Variants in KMT2C observed in about 807,000 individuals in gnomAD.
KMT2C encodes the protein histone-lysine N-methyltransferase 2C.
A neutral mutation model predicts 507.9 loss-of-function variants in KMT2C; 88 were observed. The ratio of observed to expected loss-of-function variants is 0.17; its 90% CI spans 0.15 to 0.21. The LOEUF (loss-of-function observed/expected upper bound fraction) is 0.21. Ranked by LOEUF, KMT2C falls within the 10% of genes least tolerant of loss-of-function variation. The pLI is 1.00. For missense variants in KMT2C, 4,954 were observed against 5,957.8 expected, an observed-to-expected ratio of 0.83 and a Z score of 5.55; for synonymous variants, 2,049 against 2,080.8, an observed-to-expected ratio of 0.98 and a Z score of 0.42.
chr7:152,207,484 C>T (rs2094339692), intron 23 of KMT2C, 56 bp from the exon 24 acceptor site: 4 of 1,476,734 alleles, frequency 2.7e-6, no homozygotes, highest in African/African-American at 1.4e-5. Flanking sequence ...ATATATAATC[C>T]CTACATAATG....
At chr7:152,319,704 C>T (rs1050602946) in intron 3 of KMT2C, among the ~76,000 whole-genome samples, 1 of 152,172 alleles carries the variant, frequency 6.6e-6, no homozygotes, top group Non-Finnish European at 1.5e-5. Flanking sequence ...GGTCACGCTC[C>T]TAGTCCGCCT....
At chr7:152,339,790 G>A (rs891996246) in intron 2 of KMT2C, among the ~76,000 whole-genome samples, 2 of 152,022 alleles carry the variant, frequency 1.3e-5, no homozygotes, top group Non-Finnish European at 2.9e-5. Context: ...AATGATGTTC[G>A]ATAGTTGCTT....
chr7:152,231,822 A>G (rs1309906582), intron 16 of KMT2C, among the ~76,000 whole-genome samples: 1 of 151,960 alleles, frequency 6.6e-6, no homozygotes, highest in Non-Finnish European at 1.5e-5. Flanking sequence ...GGTTAACTAA[A>G]CAGAAGGACT....
chr7:152,398,500 T>C (rs944575675), intron 1 of KMT2C, among the ~76,000 whole-genome samples: 1 of 152,138 alleles, frequency 6.6e-6, no homozygotes, highest in Non-Finnish European at 1.5e-5. Flanking sequence ...GATACAGTAA[T>C]TGTCTCTGAA....
intron 6 of KMT2C, among the ~76,000 whole-genome samples, chr7:152,297,004 AG>A (rs2096507455): frequency 1.5e-5 from 1 of 66,116 alleles, no homozygotes; most frequent in African/African-American, 8.8e-5. Flanking sequence ...AGAAAAAGAA[AG>A]AAAGAAAGAA....
intron 26 of KMT2C, among the ~76,000 whole-genome samples, chr7:152,202,005 T>A (rs917544364): frequency 6.6e-6 from 1 of 152,200 alleles, no homozygotes; most frequent in Admixed American, 6.5e-5. Context: ...ATTGAGGAAG[T>A]TGTATGCTAG....
At chr7:152,327,521 A>T (rs2096839972) in intron 3 of KMT2C, among the ~76,000 whole-genome samples, 1 of 152,224 alleles carries the variant, frequency 6.6e-6, no homozygotes, top group Non-Finnish European at 1.5e-5. Flanking sequence ...TGCATTCTGT[A>T]CCTCTCAATA....
chr7:152,363,092 A>G (rs923429947), intron 1 of KMT2C, among the ~76,000 whole-genome samples: 3 of 152,232 alleles, frequency 2.0e-5, no homozygotes, highest in Non-Finnish European at 4.4e-5. Flanking sequence ...TCAAAACCCT[A>G]TCAGTTGCCA....
rs2091859297 is a variant in KMT2C, at chr7:152,154,030, G to C, written c.12256C>G (p.Leu4086Val). Residue 4086 changes from leucine (L) to valine (V), a missense_variant, in exon 48 of 59, where the codon CTG becomes GTG. Transcript: ENST00000262189. ...RSGLISVAIT[L>V]HPTAAENISS... Reference sequence around the variant, plus strand: ...TTTACCTCAGCAGCTGTAGGATGCAGAGTAATTGCTACAGATATAAGACCT... The same window carrying C: ...TTTACCTCAGCAGCTGTAGGATGCACAGTAATTGCTACAGATATAAGACCT... 2 of 1,614,064 alleles carry C rather than the reference G, an allele frequency of 1.2e-6. No homozygotes were observed. The highest frequency in any genetic ancestry group is 1.7e-6 in the Non-Finnish European group (2 of 1,179,964).
intron 26 of KMT2C, among the ~76,000 whole-genome samples, chr7:152,202,220 T>C (rs2094165356): frequency 2.0e-5 from 3 of 152,144 alleles, no homozygotes; most frequent in Admixed American, 6.5e-5. Context: ...TTTTAACACA[T>C]GAAGAAATAG....
rs1589237891 is a variant in KMT2C at position 152,330,821 on chromosome 7, G to A, written c.251-82C>T. On this transcript the variant is annotated intron_variant, in intron 2 of 58. Transcript: ENST00000262189. ...CTGGTGAATGTATCTATAAAGCATAGGTCATAATGTAAAAAGAAACAACAA... is the reference window on the plus strand; with the variant it reads ...CTGGTGAATGTATCTATAAAGCATAAGTCATAATGTAAAAAGAAACAACAA... 8 of 1,263,922 alleles carry A rather than the reference G, an allele frequency of 6.3e-6. No homozygotes were observed. The African/African-American group carries it at 7.4e-5, about 12-fold the overall frequency. The allele number at this position is 1,263,922 out of a possible 1,614,324, so 78.3% of individuals were successfully genotyped here.
intron 2 of KMT2C, among the ~76,000 whole-genome samples, chr7:152,336,919 G>A (rs189844965): frequency 1.5e-3 from 233 of 152,222 alleles, no homozygotes; most frequent in Non-Finnish European, 2.9e-3. Flanking sequence ...CAGGCAAGGC[G>A]ATTTCATCTG....
Position 152,154,109 on chromosome 7 carries a change from T to C in KMT2C, c.12177A>G (p.Pro4059=). Residue 4059 remains proline, a synonymous_variant, in exon 48 of 59, where the codon CCA becomes CCG. Transcript: ENST00000262189. ...AAGGTGACGCAAAATATAAAGTGCC[T>C]GGCTCAGTTTTGATGTCATTCCTTC... ...ESRRNDIKTE[P]GTLYFASPFG... The C allele has an allele frequency of 6.2e-7, 1 of 1,614,180 alleles. No homozygotes were observed. The highest frequency in any genetic ancestry group is 2.2e-5 in the East Asian group (1 of 44,888).
chr7:152,297,304 A>C (rs540286277), intron 6 of KMT2C, among the ~76,000 whole-genome samples: 9 of 152,322 alleles, frequency 5.9e-5, no homozygotes, highest in African/African-American at 1.9e-4. Context: ...GAGAAAGTTA[A>C]GAGCCAGGAG....
intron 1 of KMT2C, among the ~76,000 whole-genome samples, chr7:152,411,120 TAATA>T (rs1367533082): frequency 6.6e-6 from 1 of 152,254 alleles, no homozygotes; most frequent in African/African-American, 2.4e-5. Flanking sequence ...GTTAAATACA[TAATA>T]AATACAATAG....
Position 152,204,251 on chromosome 7 carries a change from C to T in KMT2C, c.3961+855G>A, listed in dbSNP as rs190444087. On this transcript the variant is annotated intron_variant, in intron 25 of 58. Transcript: ENST00000262189. Reference sequence around the variant, plus strand: ...AGGTGAAGGTTGCAGTGAGCTGAGACGGCACCACAGCACTCCAGCCTGGGT... The same window carrying T: ...AGGTGAAGGTTGCAGTGAGCTGAGATGGCACCACAGCACTCCAGCCTGGGT... Among the ~76,000 whole-genome samples the T allele has an allele frequency of 2.0e-3, 299 of 152,102 alleles. 1 individual carries two copies. Among genetic ancestry groups the T allele is most frequent in the African/African-American group, 6.8e-3 (281 of 41,488 alleles).
At chr7:152,361,205 ACT>A (rs1265801503) in intron 1 of KMT2C, among the ~76,000 whole-genome samples, 2 of 152,108 alleles carry the variant, frequency 1.3e-5, no homozygotes, top group African/African-American at 4.8e-5. Flanking sequence ...GGGAGAAAAC[ACT>A]CTAAGGTGGA....
rs753886740 is a variant in KMT2C at position 152,177,617 on chromosome 7, G to A, written c.7836C>T (p.Pro2612=). 7 of 1,614,102 alleles carry A rather than the reference G, an allele frequency of 4.3e-6. No individual in the cohort carries two copies. The highest frequency in any genetic ancestry group is 5.9e-6 in the Non-Finnish European group (7 of 1,180,014). ...CAGGTAGCTGATTAGGTAGACCCTGGGGAGGTCGTCGCATGGGGTCTGTGT... is the reference window on the plus strand; with the variant it reads ...CAGGTAGCTGATTAGGTAGACCCTGAGGAGGTCGTCGCATGGGGTCTGTGT... ...PRHTDPMRRP[P]QGLPNQLPVH... Residue 2612 remains proline (P), a synonymous_variant, in exon 38 of 59, where the codon CCC becomes CCT. Coordinates refer to ENST00000262189, the MANE Select transcript of KMT2C (RefSeq NM_170606.3).
chr7:152,368,213 T>C, intron 1 of KMT2C: 2 of 893,426 alleles, frequency 2.2e-6, no homozygotes, highest in South Asian at 1.3e-5. Context: ...CTAAGAAATA[T>C]GCTGATAAAA....
Sources: gnomAD v4.1 joint callset for allele counts (sites outside exome capture counted in the v4.1 genomes callset) on GRCh38, gnomAD v4.1.1 for gene constraint, MANE v1.5 for transcripts, NCBI Gene and HGNC (gene_info 2026-07-23, HGNC 2026-07-21) for gene names.